Variants in ITCH observed in about 807,000 individuals in gnomAD.
ITCH encodes the protein itchy E3 ubiquitin protein ligase.
A neutral mutation model predicts 126.8 loss-of-function variants in ITCH; 28 were observed. The observed-to-expected ratio is 0.22, with a 90% confidence interval of 0.16 to 0.30. The LOEUF (loss-of-function observed/expected upper bound fraction) is 0.30, where lower values mean the gene tolerates loss of function less well. ITCH is among the 10% of genes least tolerant of loss of function. The pLI is 1.00. For synonymous variants in ITCH, 342 were observed against 340.0 expected, an observed-to-expected ratio of 1.01 and a Z score of -0.06; for missense variants, 631 against 1,032.4, an observed-to-expected ratio of 0.61 and a Z score of 5.33.
Position 34,445,309 on chromosome 20 carries a change from A to C in ITCH, c.988A>C (p.Met330Leu). 3 of 1,609,726 alleles carry C rather than the reference A, an allele frequency of 1.9e-6. No individual in the cohort carries two copies. The highest frequency in any genetic ancestry group is 2.5e-6 in the Non-Finnish European group (3 of 1,179,158). Residue 330 changes from methionine to leucine, a missense_variant, in exon 11 of 25, where the codon ATG becomes CTG. Physicochemically the swap from Met to Leu is conservative, Grantham distance 15. Coordinates refer to ENST00000374864, the MANE Select transcript of ITCH (RefSeq NM_031483.7). ...PPGWERRVDN[M>L]GRIYYVDHFT... is the part of the protein sequence containing the mutation. ...TAGCTGGGAACGGCGGGTTGACAAC[A>C]TGGGACGTATTTATTATGTTGACCA...
chr20:34,443,540 A>G (rs922668899), intron 10 of ITCH, among the ~76,000 whole-genome samples: 1 of 152,122 alleles, frequency 6.6e-6, no homozygotes, highest in Admixed American at 6.6e-5. Context: ...TGAAGAAAAA[A>G]TATTTTTTAA....
At chr20:34,415,750 A>G (rs990125162) in intron 6 of ITCH, among the ~76,000 whole-genome samples, 19 of 152,212 alleles carry the variant, frequency 1.2e-4, no homozygotes, top group African/African-American at 4.3e-4. Flanking sequence ...TACAAGTTAC[A>G]TTGTTAAACT....
intron 10 of ITCH, among the ~76,000 whole-genome samples, chr20:34,442,600 G>A (rs6059840): frequency 0.45 from 67,833 of 151,628 alleles, 15,730 homozygotes; most frequent in Non-Finnish European, 0.5. Flanking sequence ...CCATCCTCCC[G>A]CGTTGGCCTC....
intron 2 of ITCH, among the ~76,000 whole-genome samples, chr20:34,390,089 C>T (rs1208041898): frequency 6.7e-6 from 1 of 148,400 alleles, no homozygotes; most frequent in Non-Finnish European, 1.5e-5. Flanking sequence ...CCACTGCACT[C>T]AGCCAGGGCA....
chr20:34,399,157 C>A (rs960805428), intron 3 of ITCH, among the ~76,000 whole-genome samples: 4 of 152,094 alleles, frequency 2.6e-5, no homozygotes, highest in African/African-American at 9.7e-5. Flanking sequence ...CTTTGGGAGG[C>A]CGAGGTGGGC....
At chr20:34,476,089 G>C in intron 16 of ITCH, 1 of 1,001,026 alleles carries the variant, frequency 1.0e-6, no homozygotes, top group Non-Finnish European at 1.6e-6. Context: ...ATCAGTGATT[G>C]CATCTAACTT....
chr20:34,401,616 C>T lies in ITCH; in HGVS notation c.71-7035C>T, dbSNP rs146684479. 3,938 of 981,526 alleles carry T rather than the reference C, an allele frequency of 4.0e-3. 10 individuals carry two copies. The highest frequency in any genetic ancestry group is 6.3e-3 in the Middle Eastern group (12 of 1,908). The allele number at this position is 981,526 out of a possible 1,614,324, so 60.8% of individuals were successfully genotyped here. ...TTTACTATACTCCTTCCTAAAAGCC[C>T]CAGATGGGGAACATGTTTTCTCAAC... On this transcript the variant is annotated intron_variant, in intron 3 of 24. Coordinates refer to ENST00000374864, the MANE Select transcript of ITCH (RefSeq NM_031483.7).
At chr20:34,474,770 A>G (rs1404501463) in intron 16 of ITCH, among the ~76,000 whole-genome samples, 2 of 132,792 alleles carry the variant, frequency 1.5e-5, no homozygotes, top group Non-Finnish European at 3.3e-5. Context: ...CCTCCAGGAC[A>G]GGGCGGCTGG....
Position 34,363,321 on chromosome 20 carries a change from C to A in ITCH, c.-127C>A, listed in dbSNP as rs544939665. On this transcript the variant is annotated 5_prime_UTR_variant, in exon 1 of 25. It adds an upstream start codon to the 5' untranslated region. Transcript: ENST00000374864. Reference sequence around the variant, plus strand: ...ACCGGCTGCCATCTTAGTCTAGGGACTGAGGAGTCGCCGCCGCCCCGAGTC... The same window carrying A: ...ACCGGCTGCCATCTTAGTCTAGGGAATGAGGAGTCGCCGCCGCCCCGAGTC... The A allele has an allele frequency of 2.6e-5, 4 of 152,532 alleles. No individual in the cohort carries two copies. Among genetic ancestry groups the A allele is most frequent in the African/African-American group, 9.6e-5 (4 of 41,462 alleles). 9.4% of individuals were successfully genotyped at this position (152,532 alleles called of 1,614,324 possible).
intron 6 of ITCH, among the ~76,000 whole-genome samples, chr20:34,418,809 T>C (rs950447723): frequency 1.4e-5 from 2 of 140,136 alleles, no homozygotes; most frequent in Non-Finnish European, 3.0e-5. Flanking sequence ...TTGCCCAGAC[T>C]GGAGTGCAAT....
At chr20:34,490,011 C>A in intron 22 of ITCH, 85 bp downstream of exon 22, 2 of 887,648 alleles carry the variant, frequency 2.3e-6, no homozygotes, top group South Asian at 1.3e-5. Context: ...AGTCACAGGT[C>A]AAAATGTACC....
chr20:34,475,719 GGCAGGGGCAGGC>G (rs1398129421), intron 16 of ITCH, among the ~76,000 whole-genome samples: 1 of 151,604 alleles, frequency 6.6e-6, no homozygotes, highest in African/African-American at 2.4e-5. Context: ...CAGGGGCAGG[GGCAGGGGCAGGC>G]AGAGGCAGGC....
chr20:34,466,191 C>T (rs1369670282), intron 14 of ITCH: 3 of 278,214 alleles, frequency 1.1e-5, no homozygotes, highest in South Asian at 3.5e-5. Flanking sequence ...TTTTTTCCCC[C>T]CCTCATTCTG....
intron 5 of ITCH, among the ~76,000 whole-genome samples, chr20:34,413,135 T>G (rs1337519133): frequency 6.6e-6 from 1 of 152,114 alleles, no homozygotes; most frequent in Non-Finnish European, 1.5e-5. Flanking sequence ...TTATCCTGCC[T>G]CAGCCTCCTG....
intron 7 of ITCH, among the ~76,000 whole-genome samples, chr20:34,434,761 A>G (rs1027752602): frequency 2.0e-5 from 3 of 152,180 alleles, no homozygotes; most frequent in Non-Finnish European, 4.4e-5. Flanking sequence ...TGCAAGGGGC[A>G]CTGGGGATGG....
At chr20:34,403,831 G>C (rs1488216390) in intron 3 of ITCH, among the ~76,000 whole-genome samples, 1 of 152,090 alleles carries the variant, frequency 6.6e-6, no homozygotes, top group Non-Finnish European at 1.5e-5. Context: ...TCTCAGTAGA[G>C]GGAGCAGCAT....
intron 2 of ITCH, among the ~76,000 whole-genome samples, chr20:34,381,296 T>A (rs1353693526): frequency 2.6e-5 from 4 of 151,832 alleles, no homozygotes; most frequent in Non-Finnish European, 5.9e-5. Flanking sequence ...GTTTGTTTGT[T>A]TTTTGAGATG....
At chr20:34,376,114 G>A (rs778579691) in intron 2 of ITCH, among the ~76,000 whole-genome samples, 46 of 152,138 alleles carry the variant, frequency 3.0e-4, no homozygotes, top group Admixed American at 2.6e-4. Context: ...ACTGTGGGCA[G>A]AATTTGTCTT....
At chr20:34,486,106 C>T (rs540907609) in intron 20 of ITCH, among the ~76,000 whole-genome samples, 3 of 152,044 alleles carry the variant, frequency 2.0e-5, no homozygotes, top group Non-Finnish European at 4.4e-5. Context: ...CCTCAACCTC[C>T]TGAGCTCCAG....
Sources: allele counts gnomAD v4.1 joint callset (sites outside exome capture counted in the v4.1 genomes callset), GRCh38; gene constraint gnomAD v4.1.1; transcripts MANE v1.5; gene names NCBI Gene and HGNC (gene_info 2026-07-23, HGNC 2026-07-21).